Variants in P4HA2 observed in about 807,000 individuals in gnomAD.
The protein encoded by P4HA2 is prolyl 4-hydroxylase subunit alpha 2, also known as prolyl 4-hydroxylase subunit alpha-2.
In P4HA2, 46 loss-of-function variants were observed where a neutral mutation model predicts 76.9. The observed-to-expected ratio is 0.60, with a 90% CI of 0.47 to 0.76. P4HA2 has a LOEUF of 0.76. Ranked by LOEUF, P4HA2 falls within the 30% of genes least tolerant of loss-of-function variation. The probability of loss-of-function intolerance (pLI) is 0.00; values close to 1 mark genes in which losing one functional copy is unlikely to be tolerated. For synonymous variants in P4HA2, 243 were observed against 254.0 expected (o/e 0.96, Z 0.41); for missense variants, 583 against 669.4 (o/e 0.87, Z 1.42).
chr5:132,193,899 AAAAAAT>A (rs1357728308), intron 14 of P4HA2, among the ~76,000 whole-genome samples: 1 of 152,174 alleles, frequency 6.6e-6, no homozygotes, highest in Non-Finnish European at 1.5e-5. Flanking sequence ...ACTTCATTGA[AAAAAAT>A]AAAATTGTCG....
intron 1 of P4HA2, chr5:132,227,272 G>T (rs1015152931): frequency 6.6e-6 from 1 of 152,294 alleles, no homozygotes; most frequent in East Asian, 1.9e-4. Context: ...GGGGAGAAAA[G>T]ACTTTCTGAT....
In P4HA2 at chr5:132,190,401, C is replaced by T. The variant is rs1749805724; in HGVS notation, c.*2609G>A. 1.3e-5 allele frequency among the ~76,000 whole-genome samples: 2 copies of T among 152,086 alleles called. No homozygotes were observed. Among genetic ancestry groups the T allele is most frequent in the South Asian group, 4.1e-4 (2 of 4,828 alleles). ...CCTGTTAGGGTCTACCAATGGAAGC[C>T]ACTAGAGGGAGATTAGACGGCAGTA... On this transcript the variant is annotated 3_prime_UTR_variant, in exon 15 of 15. Transcript: ENST00000360568.
Position 132,202,037 on chromosome 5 carries a change from G to A in P4HA2, c.1251+1711C>T, listed in dbSNP as rs1159541034. 5 of 152,196 alleles carry A rather than the reference G, an allele frequency of 3.3e-5. No individual in the cohort carries two copies. In the East Asian group the frequency reaches 9.6e-4, roughly 29 times the overall value. 9.4% of individuals were successfully genotyped at this position (152,196 alleles called of 1,614,324 possible). Reference sequence around the variant, plus strand: ...ACAAAAACCTGCTCCAAGAAGATATGAATCAAGACAATGCCAACAGGGACT... The same window carrying A: ...ACAAAAACCTGCTCCAAGAAGATATAAATCAAGACAATGCCAACAGGGACT... On this transcript the variant is annotated intron_variant, in intron 10 of 14. Coordinates refer to ENST00000360568, the MANE Select transcript of P4HA2 (RefSeq NM_001017974.2).
chr5:132,221,989 C>A (rs1184623201), intron 1 of P4HA2: 2 of 152,252 alleles, frequency 1.3e-5, no homozygotes, highest in Non-Finnish European at 1.5e-5. Flanking sequence ...GGCCAAATGG[C>A]CATGAAAAGA....
At chr5:132,195,657 C>T in intron 12 of P4HA2, 177 bp from the exon 13 acceptor site, 1 of 635,668 alleles carries the variant, frequency 1.6e-6, no homozygotes, top group East Asian at 2.7e-5. Flanking sequence ...GCCTACTTAA[C>T]CAGTGTGATT....
In P4HA2 at chr5:132,209,258, C is replaced by T. The variant is rs113374442; in HGVS notation, c.783G>A (p.Thr261=). The change falls in exon 7 of 15, where the codon ACG becomes ACA. Residue 261 remains threonine (T), a synonymous_variant. Transcript: ENST00000360568. ...EQLLEEEREK[T]LTNQTEAELA... is the part of the protein sequence containing the mutation. The stretch of plus-strand genomic sequence containing the variant: ...GCTCAGCTTCTGTCTGATTTGTTAA[C>T]GTTTTTTCTCTCTCTTCCTCCAATA... 1.7e-5 allele frequency: 28 copies of T among 1,613,940 alleles called. No homozygotes were observed. Among genetic ancestry groups the T allele is most frequent in the Middle Eastern group, 1.6e-4 (1 of 6,078 alleles).
At chr5:132,218,406 G>A (rs1754215644) in intron 2 of P4HA2, 139 bp downstream of exon 2, 4 of 572,298 alleles carry the variant, frequency 7.0e-6, no homozygotes, top group East Asian at 6.0e-5. Context: ...CAGCAACTCT[G>A]CCAGTTCCAC....
intron 1 of P4HA2, among the ~76,000 whole-genome samples, chr5:132,223,077 A>G (rs1754856517): frequency 6.6e-6 from 1 of 152,208 alleles, no homozygotes; most frequent in South Asian, 2.1e-4. Context: ...GCCTCAGCCC[A>G]GTGGAGGAGA....
At chr5:132,213,815 G>T (rs1221670321) in intron 5 of P4HA2, 101 bp downstream of exon 5, 1 of 1,093,114 alleles carries the variant, frequency 9.1e-7, no homozygotes, top group Non-Finnish European at 1.3e-6. Context: ...TGCACCAGAG[G>T]TGCACCCGAG....
intron 5 of P4HA2, among the ~76,000 whole-genome samples, chr5:132,212,415 C>T (rs1369807983): frequency 3.3e-5 from 5 of 151,928 alleles, no homozygotes; most frequent in Non-Finnish European, 5.9e-5. Context: ...GGGATAAGCA[C>T]GGAAGACATG....
intron 11 of P4HA2, 149 bp from the exon 12 acceptor site, chr5:132,198,529 G>T: frequency 1.3e-6 from 1 of 763,690 alleles, no homozygotes; most frequent in Non-Finnish European, 2.2e-6. Flanking sequence ...GTAAATTCTG[G>T]CTAGGGCATG....
At chr5:132,220,878 G>A (rs192560618) in intron 1 of P4HA2, among the ~76,000 whole-genome samples, 2 of 152,296 alleles carry the variant, frequency 1.3e-5, no homozygotes, top group Admixed American at 1.3e-4. Context: ...TGCTCTGGTG[G>A]GAGAAGGGGA....
At chr5:132,224,255 C>T (rs1307363901) in intron 1 of P4HA2, among the ~76,000 whole-genome samples, 1 of 152,222 alleles carries the variant, frequency 6.6e-6, no homozygotes, top group South Asian at 2.1e-4. Flanking sequence ...CAATTCTATA[C>T]CACTTCCCGG....
In P4HA2 at chr5:132,195,443, G is replaced by A; in HGVS notation, c.1403C>T (p.Pro468Leu). ...DVEAGGATVF[P>L]DLGAAIWPKK... is the part of the protein sequence containing the mutation. The stretch of plus-strand genomic sequence containing the variant: ...AGGCCAAATTGCAGCCCCCAGATCA[G>A]GGAAGACGGTGGCACCACCAGCTTC... The change falls in exon 13 of 15, where the codon CCT becomes CTT. Residue 468 changes from proline to leucine, a missense_variant. Coordinates refer to ENST00000360568, the MANE Select transcript of P4HA2 (RefSeq NM_001017974.2). The A allele has an allele frequency of 6.2e-7, 1 of 1,613,526 alleles. No homozygotes were observed. Among genetic ancestry groups the A allele is most frequent in the Non-Finnish European group, 8.5e-7 (1 of 1,179,466 alleles).
chr5:132,223,081 G>C (rs1285451263), intron 1 of P4HA2, among the ~76,000 whole-genome samples: 2 of 152,200 alleles, frequency 1.3e-5, no homozygotes, highest in African/African-American at 4.8e-5. Flanking sequence ...CAGCCCAGTG[G>C]AGGAGACTAT....
intron 1 of P4HA2, among the ~76,000 whole-genome samples, chr5:132,223,367 A>C (rs1281761610): frequency 6.6e-6 from 1 of 152,134 alleles, no homozygotes; most frequent in Non-Finnish European, 1.5e-5. Context: ...GGTTCAAGGG[A>C]TTCTCCTGCC....
At chr5:132,224,063 G>C (rs1307364888) in intron 1 of P4HA2, among the ~76,000 whole-genome samples, 1 of 152,216 alleles carries the variant, frequency 6.6e-6, no homozygotes, top group Non-Finnish European at 1.5e-5. Context: ...TCACCAGAGG[G>C]AGGAACGCAA....
chr5:132,225,063 A>C (rs564397093), intron 1 of P4HA2, among the ~76,000 whole-genome samples: 10 of 151,964 alleles, frequency 6.6e-5, no homozygotes, highest in South Asian at 2.1e-4. Context: ...AAAAAAAAAA[A>C]AAAAAACTGT....
intron 5 of P4HA2, among the ~76,000 whole-genome samples, chr5:132,212,334 G>A (rs182399282): frequency 2.0e-5 from 3 of 152,270 alleles, no homozygotes; most frequent in East Asian, 3.9e-4. Flanking sequence ...GTAAGCTGGA[G>A]GTAGGAGACA....
Sources: gnomAD v4.1 joint callset for allele counts (sites outside exome capture counted in the v4.1 genomes callset) on GRCh38, gnomAD v4.1.1 for gene constraint, MANE v1.5 for transcripts, NCBI Gene and HGNC (gene_info 2026-07-23, HGNC 2026-07-21) for gene names.